Variants in SH3BP4 observed in about 807,000 individuals in gnomAD.
The protein encoded by SH3BP4 is SH3 domain binding protein 4.
SH3BP4 carries 33 observed loss-of-function variants against 65.5 expected under a neutral mutation model. The observed-to-expected ratio is 0.50, with a 90% CI of 0.38 to 0.67. The LOEUF (loss-of-function observed/expected upper bound fraction) is 0.67, where lower values mean the gene tolerates loss of function less well. Among genes scored for constraint, SH3BP4 ranks in the 30% least tolerant of loss-of-function variants. The pLI, the probability that SH3BP4 is intolerant of heterozygous loss-of-function variation, is 0.00. For missense variants in SH3BP4, 1,134 were observed against 1,261.4 expected (o/e 0.90, Z 1.53); for synonymous variants, 552 against 545.5 (o/e 1.01, Z -0.17).
rs151095456 is a variant in SH3BP4, at chr2:235,042,300, C to T, written c.1531C>T (p.Arg511Cys). 8.5e-5 allele frequency: 137 copies of T among 1,613,994 alleles called. No homozygotes were observed. The African/African-American group carries it at 1.3e-3, about 15-fold the overall frequency. ...PKTLLVSEVT[R>C]QAPNPAPVAL... ...GACGCTCCTGGTCAGCGAGGTCACA[C>T]GCCAGGCACCCAACCCTGCCCCGGT... The change falls in exon 4 of 6, where the codon CGC (arginine) becomes TGC (cysteine). Residue 511 changes from arginine (R) to cysteine (C), a missense_variant. Arg to Cys is a radical substitution (Grantham distance 180). Transcript: ENST00000392011. The surrounding 1 kb of genome is among the most constrained non-coding windows in gnomAD (Gnocchi z 7.3).
At chr2:235,022,564 A>G (rs1239249844) in intron 2 of SH3BP4, among the ~76,000 whole-genome samples, 1 of 152,076 alleles carries the variant, frequency 6.6e-6, no homozygotes. Context: ...ATTTCTGACT[A>G]ATGGTCAAAG....
In SH3BP4 at chr2:235,041,750, G is replaced by T; in HGVS notation, c.981G>T (p.Gly327=). Residue 327 remains glycine, a synonymous_variant, in exon 4 of 6, where the codon GGG becomes GGT. Transcript: ENST00000392011. The surrounding 1 kb of genome is among the most constrained non-coding windows in gnomAD (Gnocchi z 6.0). ...TNIVCKLDSS[G]GAVQLPDTSI... The stretch of plus-strand genomic sequence containing the variant: ...TCGTGTGCAAGCTGGATAGCTCCGG[G>T]GGTGCTGTCCAGCTTCCTGACACCA... The T allele has an allele frequency of 6.2e-7, 1 of 1,606,902 alleles. No homozygotes were observed. The highest frequency in any genetic ancestry group is 8.5e-7 in the Non-Finnish European group (1 of 1,175,426).
At chr2:235,040,568 C>G (rs953108023) in intron 3 of SH3BP4, among the ~76,000 whole-genome samples, 7 of 151,010 alleles carry the variant, frequency 4.6e-5, no homozygotes, top group African/African-American at 1.5e-4. Flanking sequence ...TTTAACGTTG[C>G]CCAAAATGAG....
intron 4 of SH3BP4, among the ~76,000 whole-genome samples, chr2:235,047,226 G>A (rs2106340457): frequency 6.6e-6 from 1 of 152,322 alleles, no homozygotes; most frequent in East Asian, 1.9e-4. Flanking sequence ...CGTAGGGGGA[G>A]TCATGAGTAT....
intron 2 of SH3BP4, among the ~76,000 whole-genome samples, chr2:235,025,320 C>T (rs142948835): frequency 1.2e-4 from 18 of 152,286 alleles, no homozygotes; most frequent in Non-Finnish European, 1.5e-4. Flanking sequence ...AAGGTGTCTG[C>T]GGACTTCCAG....
At chr2:235,021,619 CAAAAA>C (rs60474372) in intron 2 of SH3BP4, among the ~76,000 whole-genome samples, 10 of 101,266 alleles carry the variant, frequency 9.9e-5, no homozygotes, top group Admixed American at 2.1e-4. Flanking sequence ...ACTTTGTCTC[CAAAAA>C]AAAAAAAAAA....
intron 1 of SH3BP4, among the ~76,000 whole-genome samples, chr2:234,982,254 G>A (rs1270293351): frequency 6.6e-6 from 1 of 152,174 alleles, no homozygotes; most frequent in African/African-American, 2.4e-5. Context: ...GGCATCGCTG[G>A]CACCAGGTGG....
intron 1 of SH3BP4, among the ~76,000 whole-genome samples, chr2:234,953,523 G>T (rs1186498504): frequency 6.6e-6 from 1 of 152,206 alleles, no homozygotes; most frequent in African/African-American, 2.4e-5. Flanking sequence ...CAGATGAAAT[G>T]ATGGGAGAGG....
At chr2:235,039,152 C>G (rs1368247764) in intron 3 of SH3BP4, among the ~76,000 whole-genome samples, 1 of 152,128 alleles carries the variant, frequency 6.6e-6, no homozygotes, top group Non-Finnish European at 1.5e-5. Context: ...GAGCCGGGTT[C>G]TCTGAGACAC....
intron 2 of SH3BP4, among the ~76,000 whole-genome samples, chr2:235,010,815 TA>T (rs1694463441): frequency 4.4e-5 from 1 of 22,508 alleles, no homozygotes; most frequent in Non-Finnish European, 8.6e-5. Flanking sequence ...CTCCCTCTTC[TA>T]GAACCCTTCC....
At chr2:235,022,708 T>C (rs1228469160) in intron 2 of SH3BP4, among the ~76,000 whole-genome samples, 4 of 152,176 alleles carry the variant, frequency 2.6e-5, no homozygotes, top group Non-Finnish European at 5.9e-5. Context: ...GTTGAGAGGA[T>C]GGATTGTCAC....
chr2:235,036,246 C>T (rs1369642093), intron 3 of SH3BP4, among the ~76,000 whole-genome samples: 2 of 152,142 alleles, frequency 1.3e-5, no homozygotes, highest in East Asian at 3.9e-4. Flanking sequence ...ACGTCTAGCC[C>T]GTGTGAGATT....
At chr2:235,006,176 G>A (rs1289463581) in intron 2 of SH3BP4, among the ~76,000 whole-genome samples, 2 of 152,206 alleles carry the variant, frequency 1.3e-5, no homozygotes, top group Non-Finnish European at 2.9e-5. Flanking sequence ...CGAGCAGGAC[G>A]GGAAAAGGCC....
At chr2:235,016,139 TG>T (rs917150689) in intron 2 of SH3BP4, among the ~76,000 whole-genome samples, 3 of 46,796 alleles carry the variant, frequency 6.4e-5, no homozygotes, top group Admixed American at 3.1e-4. Context: ...GGGTGGGGGG[TG>T]GGGGGAGGAG....
chr2:234,975,721 T>A (rs1260432363), intron 1 of SH3BP4, among the ~76,000 whole-genome samples: 3 of 151,660 alleles, frequency 2.0e-5, no homozygotes, highest in Non-Finnish European at 2.9e-5. Flanking sequence ...GCAAAAAACA[T>A]GAAAATTAGC....
Position 235,052,449 on chromosome 2 carries a change from A to G in SH3BP4, c.2479-113A>G, listed in dbSNP as rs1559262482. On this transcript the variant is annotated intron_variant, in intron 4 of 5. Transcript: ENST00000392011. This position sits in a 1 kb window ranked among gnomAD's most constrained non-coding sequence, Gnocchi z 5.0. ...GACATTTGGTAGTAGGCCAGGGAAC[A>G]TGGAGAATAGAGAGCCCATGGCCAT... 1.3e-6 allele frequency: 1 copy of G among 759,934 alleles called. No homozygotes were observed. Among genetic ancestry groups the G allele is most frequent in the Non-Finnish European group, 2.0e-6 (1 of 490,178 alleles). The allele number at this position is 759,934 out of a possible 1,614,324, so 47.1% of individuals were successfully genotyped here.
intron 3 of SH3BP4, among the ~76,000 whole-genome samples, chr2:235,036,206 G>A (rs935249772): frequency 6.6e-5 from 10 of 152,146 alleles, no homozygotes; most frequent in Non-Finnish European, 2.9e-5. Flanking sequence ...TGGCATCCCT[G>A]GGCATTGCTG....
chr2:235,006,435 A>T (rs539286525), intron 2 of SH3BP4, among the ~76,000 whole-genome samples: 2 of 151,800 alleles, frequency 1.3e-5, no homozygotes, highest in Admixed American at 1.3e-4. Context: ...TTCCTAATGG[A>T]TTTTTAGCTG....
At chr2:234,969,331 C>T (rs1035608828) in intron 1 of SH3BP4, among the ~76,000 whole-genome samples, 1 of 152,156 alleles carries the variant, frequency 6.6e-6, no homozygotes, top group Non-Finnish European at 1.5e-5. Flanking sequence ...ATGCTCCTTC[C>T]TCATGGTCAA....
Sources: gnomAD v4.1 joint callset for allele counts (sites outside exome capture counted in the v4.1 genomes callset) on GRCh38, gnomAD v4.1.1 for gene constraint, Gnocchi (gnomAD v3.1) non-coding constraint, MANE v1.5 for transcripts, NCBI Gene and HGNC (gene_info 2026-07-23, HGNC 2026-07-21) for gene names.